The following GPR89A variants were observed in gnomAD, a reference collection of about 807,000 sequenced individuals.
GPR89A encodes the protein golgi pH regulator A.
A neutral mutation model predicts 52.0 loss-of-function variants in GPR89A; 16 were observed. The observed-to-expected ratio is 0.31, with a 90% CI of 0.21 to 0.47. The LOEUF is 0.47. Ranked by LOEUF, GPR89A falls within the 20% of genes least tolerant of loss-of-function variation. The pLI, the probability that GPR89A is intolerant of heterozygous loss-of-function variation, is 1.00. For missense variants in GPR89A, 135 were observed against 449.4 expected (o/e 0.30, Z 6.33); for synonymous variants, 55 against 150.9 (o/e 0.36, Z 4.66).
At chr1:145,628,984 G>C (rs1233076690) in intron 5 of GPR89A, among the ~76,000 whole-genome samples, 1 of 152,140 alleles carries the variant, frequency 6.6e-6, no homozygotes, top group African/African-American at 2.4e-5. Flanking sequence ...ATATACAAGA[G>C]AGAGGAGACA....
chr1:145,608,139 T>G lies in GPR89A; in HGVS notation c.6T>G (p.Ser2Arg), dbSNP rs782540403. The G allele has an allele frequency of 2.5e-5, 40 of 1,613,022 alleles. No individual in the cohort carries two copies. The highest frequency in any genetic ancestry group is 3.1e-5 in the Non-Finnish European group (37 of 1,179,758). M[S>R]FLIDSSIMIT... is the part of the protein sequence containing the mutation. ...AGCCTTCCTTACACTTCGCCATGAG[T>G]TTCCTCATCGACTCCAGCATCATGA... Residue 2 changes from serine to arginine, a missense_variant, in exon 1 of 14, where the codon AGT becomes AGG. Ser to Arg is a moderately radical substitution (Grantham distance 110, BLOSUM62 -1). This residue lies in a region of GPR89A where 38 missense variants were observed against 40.2 expected (regional missense o/e 0.95). Coordinates refer to ENST00000313835, the MANE Select transcript of GPR89A (RefSeq NM_001097612.2).
intron 1 of GPR89A, 60 bp from the exon 2 acceptor site, chr1:145,616,174 T>C: frequency 2.5e-6 from 3 of 1,217,794 alleles, no homozygotes; most frequent in African/African-American, 1.6e-5. Flanking sequence ...TAAAAGAGTT[T>C]CTATAAAACA....
chr1:145,609,228 A>T (rs1247199968), intron 1 of GPR89A, among the ~76,000 whole-genome samples: 1 of 152,144 alleles, frequency 6.6e-6, no homozygotes, highest in Non-Finnish European at 1.5e-5. Context: ...AAGTGAACTA[A>T]ATTTGTGTTC....
chr1:145,668,059 T>C (rs1652698228), intron 12 of GPR89A, among the ~76,000 whole-genome samples: 2 of 152,210 alleles, frequency 1.3e-5, no homozygotes, highest in African/African-American at 4.8e-5. Context: ...ATGCGGGCTC[T>C]TTTTGGTTCC....
At chr1:145,663,466 T>C (rs1553695987) in intron 11 of GPR89A, 42 bp downstream of exon 11, 2 of 1,610,474 alleles carry the variant, frequency 1.2e-6, no homozygotes, top group Admixed American at 1.7e-5. Context: ...TGTTTCTGTT[T>C]TATCTACTAT....
chr1:145,610,360 A>G (rs1426022264), intron 1 of GPR89A, among the ~76,000 whole-genome samples: 12 of 152,200 alleles, frequency 7.9e-5, no homozygotes, highest in African/African-American at 2.2e-4. Context: ...TCCCTTATTG[A>G]TGGGACCCTG....
chr1:145,646,940 T>C (rs587717165), intron 9 of GPR89A: 24 of 619,974 alleles, frequency 3.9e-5, no homozygotes, highest in African/African-American at 2.8e-4. Context: ...ACGTATCTCA[T>C]AAGAATTGTT....
At chr1:145,624,712 GC>G (rs2101755249) in intron 5 of GPR89A, among the ~76,000 whole-genome samples, 1 of 126,300 alleles carries the variant, frequency 7.9e-6, no homozygotes, top group Admixed American at 8.3e-5. Flanking sequence ...ACCCAACTAT[GC>G]CACAATACTA....
intron 12 of GPR89A, among the ~76,000 whole-genome samples, chr1:145,667,445 G>T (rs1652643803): frequency 6.6e-6 from 1 of 151,736 alleles, no homozygotes; most frequent in Non-Finnish European, 1.5e-5. Flanking sequence ...AAATTTGTTT[G>T]AGTTCTTTGT....
chr1:145,631,198 T>TAAA (rs1649858505), intron 6 of GPR89A, among the ~76,000 whole-genome samples: 1 of 47,610 alleles, frequency 2.1e-5, no homozygotes, highest in Non-Finnish European at 3.5e-5. Context: ...ACATACATCC[T>TAAA]AAATGTCACT....
intron 10 of GPR89A, among the ~76,000 whole-genome samples, chr1:145,657,954 A>G (rs1571537794): frequency 6.6e-6 from 1 of 151,720 alleles, no homozygotes; most frequent in South Asian, 2.1e-4. Context: ...ACCACAATCA[A>G]TTTTTGAACA....
intron 10 of GPR89A, among the ~76,000 whole-genome samples, chr1:145,650,825 T>C (rs1651401178): frequency 6.6e-6 from 1 of 152,154 alleles, no homozygotes; most frequent in African/African-American, 2.4e-5. Context: ...CTTTGCTTAC[T>C]TTTTAATGGG....
At chr1:145,640,662 T>C (rs1279132578) in intron 7 of GPR89A, among the ~76,000 whole-genome samples, 1 of 51,696 alleles carries the variant, frequency 1.9e-5, no homozygotes, top group Non-Finnish European at 3.6e-5. Context: ...GCCACTGTAC[T>C]CTAGCCTGGG....
At chr1:145,654,551 T>TCAA (rs1388621596) in intron 10 of GPR89A, among the ~76,000 whole-genome samples, 100,822 of 107,230 alleles carry the variant, frequency 0.94, 48,928 homozygotes, top group South Asian at 0.97. Flanking sequence ...AGAATCCATC[T>TCAA]ACAAAAAAAA....
intron 10 of GPR89A, among the ~76,000 whole-genome samples, chr1:145,647,910 T>G (rs1398349148): frequency 2.2e-4 from 24 of 111,232 alleles, no homozygotes; most frequent in African/African-American, 6.7e-4. Context: ...TATATATATA[T>G]AGAATGTGAA....
At chr1:145,647,133 A>G (rs782599846) in intron 9 of GPR89A, 42 bp from the exon 10 acceptor site, 33 of 1,539,450 alleles carry the variant, frequency 2.1e-5, no homozygotes, top group Non-Finnish European at 2.8e-5. Flanking sequence ...ATATAAATTT[A>G]TATTTTGCTG....
At chr1:145,636,640 A>G (rs1571500598) in intron 7 of GPR89A, among the ~76,000 whole-genome samples, 1 of 152,190 alleles carries the variant, frequency 6.6e-6, no homozygotes, top group Non-Finnish European at 1.5e-5. Context: ...AAATTTCAGC[A>G]ATACCCACAG....
At chr1:145,647,601 C>G (rs1280639317) in intron 10 of GPR89A, among the ~76,000 whole-genome samples, 2 of 151,366 alleles carry the variant, frequency 1.3e-5, no homozygotes, top group African/African-American at 4.9e-5. Context: ...GTCAGGAGTT[C>G]GAGAACAGCC....
At chr1:145,652,978 A>T (rs1651561402) in intron 10 of GPR89A, among the ~76,000 whole-genome samples, 1 of 112,764 alleles carries the variant, frequency 8.9e-6, no homozygotes, top group African/African-American at 5.0e-5. Flanking sequence ...TATCTCCTGC[A>T]GTTCTGCTGT....
Sources: gnomAD v4.1 joint callset for allele counts (sites outside exome capture counted in the v4.1 genomes callset) on GRCh38, gnomAD v4.1.1 for gene constraint, gnomAD v4.1.1 regional missense constraint, MANE v1.5 for transcripts, NCBI Gene and HGNC (gene_info 2026-07-23, HGNC 2026-07-21) for gene names.